RSRC1: variants seen among roughly 807,000 people sequenced by gnomAD.
The protein encoded by RSRC1 is serine/Arginine-related protein 53.
Under a neutral mutation model 49.1 loss-of-function variants are expected in RSRC1, and 39 were observed. That is an observed-to-expected ratio of 0.79 (90% CI 0.61 to 1.04). The LOEUF (loss-of-function observed/expected upper bound fraction) is 1.04. RSRC1 is among the 50% of genes least tolerant of loss of function. The pLI, the probability that RSRC1 is intolerant of heterozygous loss-of-function variation, is 0.00. For missense variants in RSRC1, 388 were observed against 402.4 expected (o/e 0.96, Z 0.31); for synonymous variants, 143 against 130.8 (o/e 1.09, Z -0.63).
At chr3:158,337,117 T>C (rs1015672787) in intron 5 of RSRC1, among the ~76,000 whole-genome samples, 4 of 152,218 alleles carry the variant, frequency 2.6e-5, no homozygotes, top group Non-Finnish European at 5.9e-5. Context: ...GCTGCTCTTA[T>C]GAAGAACAGG....
chr3:158,255,371 T>C (rs1369366395), intron 4 of RSRC1, among the ~76,000 whole-genome samples: 31 of 152,210 alleles, frequency 2.0e-4, no homozygotes, highest in Admixed American at 2.0e-3. Flanking sequence ...GATCAGATCA[T>C]TGTAGATGTG....
chr3:158,276,532 C>T (rs1725828299), intron 4 of RSRC1: 3 of 548,362 alleles, frequency 5.5e-6, no homozygotes, highest in East Asian at 3.0e-5. Context: ...CTCAAACTCT[C>T]AGTTTGTAAA....
At chr3:158,129,288 CTTTTTTTTTT>C (rs71144439) in intron 3 of RSRC1, among the ~76,000 whole-genome samples, 1 of 71,082 alleles carries the variant, frequency 1.4e-5, no homozygotes, top group East Asian at 4.8e-4. Context: ...TTCTTTCTTT[CTTTTTTTTTT>C]TTTTTTTTTT....
rs62873061 is a variant in RSRC1, at chr3:158,518,375, A to ATTT, written c.653-18708_653-18706dup. Reference sequence around the variant, plus strand: ...CTTCTGAGTATAGTGTTTATAAAAGATTTTTTTTTTTGTCAAATGATTCAA... The same window carrying ATTT: ...CTTCTGAGTATAGTGTTTATAAAAGATTTTTTTTTTTTTTGTCAAATGATTCAA... On this transcript the variant is annotated intron_variant, in intron 7 of 9. Coordinates refer to ENST00000611884, the MANE Select transcript of RSRC1 (RefSeq NM_001271838.2). 7.4e-3 allele frequency among the ~76,000 whole-genome samples: 1,071 copies of ATTT among 144,124 alleles called. 19 individuals carry two copies. The highest frequency in any genetic ancestry group is 0.026 in the African/African-American group (1,021 of 38,932). 94.6% of individuals were successfully genotyped at this position (144,124 alleles called of 152,430 possible).
intron 5 of RSRC1, among the ~76,000 whole-genome samples, chr3:158,352,298 C>T (rs924255100): frequency 3.9e-5 from 6 of 151,940 alleles, no homozygotes; most frequent in Non-Finnish European, 7.4e-5. Flanking sequence ...AGAATCTTCC[C>T]TTAGGAATGG....
At chr3:158,331,622 A>G (rs1729551031) in intron 5 of RSRC1, among the ~76,000 whole-genome samples, 1 of 152,070 alleles carries the variant, frequency 6.6e-6, no homozygotes, top group Non-Finnish European at 1.5e-5. Context: ...GTTAGTTTGA[A>G]CCAAATGAAC....
intron 5 of RSRC1, among the ~76,000 whole-genome samples, chr3:158,333,431 T>C (rs2108199733): frequency 6.6e-6 from 1 of 152,348 alleles, no homozygotes; most frequent in African/African-American, 2.4e-5. Context: ...AATCTCTCAG[T>C]ACAGTATTTA....
intron 6 of RSRC1, among the ~76,000 whole-genome samples, chr3:158,418,410 C>T (rs1470331377): frequency 1.3e-5 from 2 of 151,944 alleles, no homozygotes; most frequent in South Asian, 2.1e-4. Context: ...TTTATATGGA[C>T]ATTCTCCCAG....
At chr3:158,303,047 A>T (rs827164) in intron 5 of RSRC1, 68,297 of 151,956 alleles carry the variant, frequency 0.45, 15,692 homozygotes, top group East Asian at 0.64. Flanking sequence ...CTGAATGGGG[A>T]TTAAAATGTT....
chr3:158,314,056 G>A (rs1004596172), intron 5 of RSRC1, among the ~76,000 whole-genome samples: 9 of 152,262 alleles, frequency 5.9e-5, no homozygotes, highest in South Asian at 4.1e-4. Context: ...TGTTTGTTAC[G>A]AGTAACTTGT....
chr3:158,256,102 A>G (rs567506361), intron 4 of RSRC1, among the ~76,000 whole-genome samples: 3 of 152,264 alleles, frequency 2.0e-5, no homozygotes, highest in South Asian at 2.1e-4. Flanking sequence ...CACTGTGTTG[A>G]ATCCGAGTGG....
At chr3:158,163,552 A>T (rs1398646347) in intron 3 of RSRC1, among the ~76,000 whole-genome samples, 2 of 152,064 alleles carry the variant, frequency 1.3e-5, no homozygotes, top group African/African-American at 4.8e-5. Flanking sequence ...TTTTTTTGTT[A>T]TAACAGTACA....
rs1297769553 is a variant in RSRC1 at position 158,544,908 on chromosome 3, C to G, written c.*633C>G. ...TTGTTTTAGAAATCACATGTTCATG[C>G]TAGACCTAACCAGTTGGCCAAATAC... On this transcript the variant is annotated 3_prime_UTR_variant, in exon 10 of 10. Transcript: ENST00000611884. 6.6e-6 allele frequency: 1 copy of G among 152,180 alleles called. No homozygotes were observed. The highest frequency in any genetic ancestry group is 2.4e-5 in the African/African-American group (1 of 41,440). The allele number at this position is 152,180 out of a possible 1,614,324, so 9.4% of individuals were successfully genotyped here.
At chr3:158,515,163 A>T (rs1477341645) in intron 7 of RSRC1, among the ~76,000 whole-genome samples, 1 of 151,526 alleles carries the variant, frequency 6.6e-6, no homozygotes, top group African/African-American at 2.4e-5. Flanking sequence ...TGTCATTATG[A>T]TGTTAGCTGG....
chr3:158,276,143 CTT>C, intron 4 of RSRC1: 1 of 929,040 alleles, frequency 1.1e-6, no homozygotes, highest in East Asian at 2.4e-5. Context: ...TGTGAGCAAA[CTT>C]TAGCTGGTTA....
chr3:158,491,873 GA>G (rs1739099785), intron 7 of RSRC1, among the ~76,000 whole-genome samples: 1 of 152,154 alleles, frequency 6.6e-6, no homozygotes, highest in Non-Finnish European at 1.5e-5. Context: ...ATATGAAAAG[GA>G]AGGTGATGTT....
chr3:158,450,236 G>A (rs541223025), intron 6 of RSRC1, among the ~76,000 whole-genome samples: 8 of 151,190 alleles, frequency 5.3e-5, no homozygotes, highest in Admixed American at 4.6e-4. Context: ...GACAAATGAA[G>A]AAACTAACAA....
chr3:158,254,582 C>T (rs545647054), intron 4 of RSRC1, among the ~76,000 whole-genome samples: 2 of 152,172 alleles, frequency 1.3e-5, no homozygotes, highest in South Asian at 4.2e-4. Context: ...CAGGCGGCCG[C>T]CAGCACGCCT....
At chr3:158,171,635 CAAAG>C (rs1478733842) in intron 3 of RSRC1, among the ~76,000 whole-genome samples, 1 of 151,964 alleles carries the variant, frequency 6.6e-6, no homozygotes, top group Non-Finnish European at 1.5e-5. Context: ...CTGGAGATGA[CAAAG>C]GAAGGAGTAA....
Sources: gnomAD v4.1 joint callset for allele counts (sites outside exome capture counted in the v4.1 genomes callset) on GRCh38, gnomAD v4.1.1 for gene constraint, MANE v1.5 for transcripts, NCBI Gene and HGNC (gene_info 2026-07-23, HGNC 2026-07-21) for gene names.